EIF4E2: variants seen among roughly 807,000 people sequenced by gnomAD.
The protein encoded by EIF4E2 is eukaryotic translation initiation factor 4E family member 2, also known as eukaryotic translation initiation factor 4E type 2.
A neutral mutation model predicts 34.2 loss-of-function variants in EIF4E2; 13 were observed. The observed-to-expected ratio is 0.38, with a 90% CI of 0.25 to 0.60. The LOEUF (loss-of-function observed/expected upper bound fraction) is 0.60. Among genes scored for constraint, EIF4E2 ranks in the 20% least tolerant of loss-of-function variants. The pLI is 0.62. For synonymous variants in EIF4E2, 100 were observed against 106.6 expected (o/e 0.94, Z 0.38); for missense variants, 222 against 315.1 (o/e 0.70, Z 2.24).
chr2:232,564,244 C>T lies in EIF4E2; in HGVS notation c.271-3C>T. The stretch of plus-strand genomic sequence containing the variant: ...TTTTTACTCTGGGGTCTTCTCTCTG[C>T]AGGTGGAGCAGTTCTGGAGGTTTTA... On this transcript the variant is annotated splice_polypyrimidine_tract_variant and splice_region_variant and intron_variant, in intron 3 of 6. Transcript: ENST00000258416. The T allele has an allele frequency of 1.3e-6, 2 of 1,583,278 alleles. No homozygotes were observed. Among genetic ancestry groups the T allele is most frequent in the Non-Finnish European group, 1.7e-6 (2 of 1,162,252 alleles).
In EIF4E2 at chr2:232,566,687, C is replaced by G; in HGVS notation, c.376-142C>G. ...CCATTTCTTCTCTCCCTAGTCCTAC[C>G]ATCAGTTTTTCTATAGAGTTGAATA... is the stretch of plus-strand genomic sequence containing the variant. On this transcript the variant is annotated intron_variant, in intron 4 of 6. Transcript: ENST00000258416. This position sits in a 1 kb window ranked among gnomAD's most constrained non-coding sequence, Gnocchi z 4.9. 1.1e-6 allele frequency: 1 copy of G among 918,476 alleles called. No homozygotes were observed. Among genetic ancestry groups the G allele is most frequent in the Non-Finnish European group, 1.6e-6 (1 of 623,414 alleles). The allele number at this position is 918,476 out of a possible 1,614,324, so 56.9% of individuals were successfully genotyped here.
Position 232,569,052 on chromosome 2 carries a change from C to T in EIF4E2, c.*35C>T, listed in dbSNP as rs1693028565. Reference sequence around the variant, plus strand: ...TCTCTGGATGGCACCATCATTGAAGCTGGCGTCATCGGAGTCTCTTGTTCT... The same window carrying T: ...TCTCTGGATGGCACCATCATTGAAGTTGGCGTCATCGGAGTCTCTTGTTCT... On this transcript the variant is annotated 3_prime_UTR_variant, in exon 7 of 7. Transcript: ENST00000258416. 6.2e-7 allele frequency: 1 copy of T among 1,610,918 alleles called. No individual in the cohort carries two copies. The highest frequency in any genetic ancestry group is 8.5e-7 in the Non-Finnish European group (1 of 1,178,664).
exon 7 of EIF4E2, chr2:232,582,160 G>A (rs1182854550): frequency 6.6e-6 from 1 of 152,614 alleles, no homozygotes; most frequent in Admixed American, 6.5e-5. Context: ...CAAATAAATA[G>A]CGTCAGAGTC....
At chr2:232,561,883 T>G (rs72993960) in intron 3 of EIF4E2, among the ~76,000 whole-genome samples, 3,527 of 148,910 alleles carry the variant, frequency 0.024, 71 homozygotes, top group Middle Eastern at 0.072. Context: ...TTTTTTTTTT[T>G]GGTTTCAATT....
intron 6 of EIF4E2, among the ~76,000 whole-genome samples, chr2:232,576,636 A>G (rs111282072): frequency 3.3e-5 from 5 of 152,322 alleles, no homozygotes; most frequent in Non-Finnish European, 7.3e-5. Flanking sequence ...TAGGGGGGAA[A>G]AATGAATTTA....
downstream of EIF4E2, chr2:232,569,662 A>G (rs1693044561): frequency 6.6e-6 from 1 of 152,038 alleles, no homozygotes; most frequent in African/African-American, 2.4e-5. Context: ...GCTTTGTGCT[A>G]ATGGGGTTTT....
At chr2:232,564,032 A>G (rs1692824558) in intron 3 of EIF4E2, among the ~76,000 whole-genome samples, 1 of 152,188 alleles carries the variant, frequency 6.6e-6, no homozygotes, top group South Asian at 2.1e-4. Flanking sequence ...TGAATTGCGA[A>G]TGTTACATTT....
intron 1 of EIF4E2, 104 bp downstream of exon 1, chr2:232,550,848 C>T (rs1321843884): frequency 8.5e-7 from 1 of 1,170,222 alleles, no homozygotes; most frequent in South Asian, 1.6e-5. Context: ...ACCGGCTTCC[C>T]TGCTGGGATC....
chr2:232,553,609 A>G (rs1308688765), intron 1 of EIF4E2, among the ~76,000 whole-genome samples: 1 of 152,134 alleles, frequency 6.6e-6, no homozygotes, highest in Non-Finnish European at 1.5e-5. Context: ...GGGAGCACTG[A>G]TTTTTCAGTC....
intron 1 of EIF4E2, chr2:232,551,139 C>T: frequency 3.7e-6 from 2 of 547,488 alleles, no homozygotes; most frequent in African/African-American, 1.9e-5. Flanking sequence ...CACTCCCTCT[C>T]CCCTCTGAGC....
chr2:232,569,428 C>A (rs573056137), downstream of EIF4E2, among the ~76,000 whole-genome samples: 2 of 152,192 alleles, frequency 1.3e-5, no homozygotes, highest in South Asian at 2.1e-4. Context: ...GAAAATAAGA[C>A]CCCATTTTCT....
chr2:232,562,850 C>T (rs1340458883), intron 3 of EIF4E2, among the ~76,000 whole-genome samples: 1 of 152,192 alleles, frequency 6.6e-6, no homozygotes, highest in Non-Finnish European at 1.5e-5. Context: ...TTTACTATTC[C>T]GAGTCACTAC....
downstream of EIF4E2, among the ~76,000 whole-genome samples, chr2:232,571,128 G>A (rs1176721375): frequency 1.3e-5 from 2 of 152,150 alleles, no homozygotes; most frequent in Non-Finnish European, 2.9e-5. Flanking sequence ...TCAACCGTTG[G>A]GTTTTTCCAG....
rs370632863 is a variant in EIF4E2, at chr2:232,550,690, C to T, written c.-35C>T. 6.3e-7 allele frequency: 1 copy of T among 1,580,580 alleles called. No homozygotes were observed. The highest frequency in any genetic ancestry group is 8.6e-7 in the Non-Finnish European group (1 of 1,164,870). The stretch of plus-strand genomic sequence containing the variant: ...GAGGGACCCGGTGGAGCGGAAGTCA[C>T]TCCCTGAGGCAGTGGCGACAGCGGC... On this transcript the variant is annotated 5_prime_UTR_variant, in exon 1 of 7. Transcript: ENST00000258416.
At chr2:232,551,191 T>C in intron 1 of EIF4E2, 1 of 489,292 alleles carries the variant, frequency 2.0e-6, no homozygotes, top group Non-Finnish European at 4.2e-6. Flanking sequence ...TAACACCCTT[T>C]GTCGTAGAGT....
chr2:232,574,381 C>G, intron 6 of EIF4E2: 1 of 1,540,228 alleles, frequency 6.5e-7, no homozygotes, highest in Non-Finnish European at 8.8e-7. Flanking sequence ...CTGTGACATA[C>G]CTCTCATCCA....
chr2:232,565,796 T>C (rs1173306094), intron 4 of EIF4E2, among the ~76,000 whole-genome samples: 1 of 151,956 alleles, frequency 6.6e-6, no homozygotes, highest in East Asian at 1.9e-4. Context: ...TGGATCTGAG[T>C]AGAGATTGGG....
chr2:232,568,799 CT>C, intron 6 of EIF4E2, 145 bp from the exon 7 acceptor site: 1 of 1,465,822 alleles, frequency 6.8e-7, no homozygotes, highest in South Asian at 1.4e-5. Context: ...CTGCTCTCTG[CT>C]TTATCCAGAG....
intron 3 of EIF4E2, among the ~76,000 whole-genome samples, chr2:232,562,268 C>T (rs1257175711): frequency 6.6e-6 from 1 of 152,072 alleles, no homozygotes; most frequent in Non-Finnish European, 1.5e-5. Flanking sequence ...CTTCATCTCT[C>T]TTATGGTTTG....
Sources: gnomAD v4.1 joint callset for allele counts (sites outside exome capture counted in the v4.1 genomes callset) on GRCh38, gnomAD v4.1.1 for gene constraint, Gnocchi (gnomAD v3.1) non-coding constraint, MANE v1.5 for transcripts, NCBI Gene and HGNC (gene_info 2026-07-23, HGNC 2026-07-21) for gene names.